BAHCC1: variants seen among roughly 807,000 people sequenced by gnomAD.
BAHCC1 encodes BAH domain and coiled-coil containing 1, also known as BAH and coiled-coil domain-containing protein 1.
Under a neutral mutation model 88.2 loss-of-function variants are expected in BAHCC1, and 43 were observed. The ratio of observed to expected loss-of-function variants is 0.49; its 90% CI spans 0.38 to 0.63. The LOEUF is 0.63. Ranked by LOEUF, BAHCC1 falls within the 20% of genes least tolerant of loss-of-function variation. BAHCC1 has a pLI of 0.00. For missense variants in BAHCC1, 3,023 were observed against 1,654.8 expected (o/e 1.83, Z -14.34); for synonymous variants, 1,510 against 745.5 (o/e 2.03, Z -16.71).
At position 81,458,460 on chromosome 17, in the gene BAHCC1, G is replaced by A; in HGVS notation, c.5337G>A (p.Val1779=). The A allele has an allele frequency of 1.4e-6, 1 of 713,376 alleles. No individual in the cohort carries two copies. Among genetic ancestry groups the A allele is most frequent in the South Asian group, 1.5e-5 (1 of 66,754 alleles). 44.2% of individuals were successfully genotyped at this position (713,376 alleles called of 1,614,324 possible). ...ATRKGTVLQP[V]LRRKNGALSI... ...GCAAGGGCACAGTGCTGCAGCCAGTGCTGCGGGTGAGGCTGGGCTCTGGGG... is the reference window on the plus strand; with the variant it reads ...GCAAGGGCACAGTGCTGCAGCCAGTACTGCGGGTGAGGCTGGGCTCTGGGG... Residue 1779 remains valine, a synonymous_variant, in exon 18 of 28, where the codon GTG becomes GTA. Coordinates refer to ENST00000675386, the MANE Select transcript of BAHCC1 (RefSeq NM_001377448.1).
intron 2 of BAHCC1, chr17:81,407,011 C>G (rs782161237): frequency 8.8e-6 from 4 of 455,986 alleles, no homozygotes; most frequent in African/African-American, 2.0e-5. Flanking sequence ...CCTGCCTTCC[C>G]TTCTCTCCCC....
At chr17:81,404,415 ACTT>A (rs1344397315) in intron 2 of BAHCC1, among the ~76,000 whole-genome samples, 8 of 152,164 alleles carry the variant, frequency 5.3e-5, no homozygotes, top group African/African-American at 1.9e-4. Context: ...GGCGTTTGTC[ACTT>A]CTTGGCGATT....
At chr17:81,410,230 A>G (rs2063932996) in intron 2 of BAHCC1, among the ~76,000 whole-genome samples, 1 of 152,086 alleles carries the variant, frequency 6.6e-6, no homozygotes, top group Non-Finnish European at 1.5e-5. Flanking sequence ...TCCCTGGCGG[A>G]GACTCAGAGG....
Position 81,445,086 on chromosome 17 carries a change from C to T in BAHCC1, c.2743C>T (p.His915Tyr). 4 of 770,420 alleles carry T rather than the reference C, an allele frequency of 5.2e-6. No homozygotes were observed. Among genetic ancestry groups the T allele is most frequent in the African/African-American group, 1.7e-5 (1 of 59,066 alleles). 47.7% of individuals were successfully genotyped at this position (770,420 alleles called of 1,614,324 possible). ...GGRGPASHMQ[H>Y]PGQLPVYSRP... is the part of the protein sequence containing the mutation. ...CCGGGGCCCCGCCTCTCACATGCAG[C>T]ACCCGGGCCAGCTCCCTGTGTACTC... Residue 915 changes from histidine (H) to tyrosine (Y), a missense_variant, in exon 9 of 28, where the codon CAC becomes TAC. His to Tyr is a moderately conservative substitution (Grantham distance 83, BLOSUM62 2). Coordinates refer to ENST00000675386, the MANE Select transcript of BAHCC1 (RefSeq NM_001377448.1).
intron 2 of BAHCC1, among the ~76,000 whole-genome samples, chr17:81,419,779 TC>T (rs1555649378): frequency 6.9e-6 from 1 of 144,698 alleles, no homozygotes; most frequent in Non-Finnish European, 1.5e-5. Context: ...TGCCGCCATC[TC>T]AACGAGGCGT....
Position 81,411,192 on chromosome 17 carries a change from G to T in BAHCC1, c.178+11275G>T, listed in dbSNP as rs781898097. On this transcript the variant is annotated intron_variant, in intron 2 of 27. Transcript: ENST00000675386. The surrounding 1 kb of genome is among the most constrained non-coding windows in gnomAD (Gnocchi z 6.2). ...TCTCTGCCCCAGGCTGAGGCCGAGG[G>T]TCTGCGCCACCTGGGCATGCCCAGT... is the stretch of plus-strand genomic sequence containing the variant. 1.9e-5 allele frequency: 10 copies of T among 517,798 alleles called. No homozygotes were observed. Among genetic ancestry groups the T allele is most frequent in the African/African-American group, 3.9e-5 (2 of 51,900 alleles). The allele number at this position is 517,798 out of a possible 1,614,324, so 32.1% of individuals were successfully genotyped here. A position where few individuals can be genotyped will look rare whatever the true frequency, so the allele number is the denominator to read the frequency against.
chr17:81,462,749 A>T lies in BAHCC1; in HGVS notation c.7393A>T (p.Met2465Leu). 1 of 760,840 alleles carries T rather than the reference A, an allele frequency of 1.3e-6. No homozygotes were observed. 47.1% of individuals were successfully genotyped at this position (760,840 alleles called of 1,614,324 possible). ...CCCATGTCCCCCACAGCGGCGTGGCATGAAGGGGAAGGCCCGGAAGCTGTT... is the reference window on the plus strand; with the variant it reads ...CCCATGTCCCCCACAGCGGCGTGGCTTGAAGGGGAAGGCCCGGAAGCTGTT... ...WSGNPTQRRGMKGKARKLFYK... is the reference protein window; with the variant it reads ...WSGNPTQRRGLKGKARKLFYK... The change falls in exon 27 of 28, where the codon ATG becomes TTG. Residue 2465 changes from methionine to leucine, a missense_variant. Met to Leu is a conservative substitution (Grantham distance 15). Transcript: ENST00000675386.
intron 14 of BAHCC1, among the ~76,000 whole-genome samples, chr17:81,453,295 G>A (rs2064680141): frequency 6.6e-6 from 1 of 152,244 alleles, no homozygotes; most frequent in Non-Finnish European, 1.5e-5. Context: ...CGCAGTCGTT[G>A]GCGCACTCCC....
intron 3 of BAHCC1, among the ~76,000 whole-genome samples, chr17:81,433,691 G>C (rs1350436623): frequency 6.6e-6 from 1 of 151,064 alleles, no homozygotes; most frequent in Non-Finnish European, 1.5e-5. Flanking sequence ...GCCCCGGGCA[G>C]GTGTCATCAG....
chr17:81,428,629 T>C (rs2064227022), intron 3 of BAHCC1, among the ~76,000 whole-genome samples: 1 of 152,146 alleles, frequency 6.6e-6, no homozygotes, highest in African/African-American at 2.4e-5. Context: ...GGGCCGTTTG[T>C]GGGTAGCACC....
chr17:81,447,876 C>G (rs1555655039), intron 11 of BAHCC1, 28 bp downstream of exon 11: 1 of 715,734 alleles, frequency 1.4e-6, no homozygotes, highest in Admixed American at 2.0e-5. Context: ...CGCCACCCCC[C>G]AGAGTCCCAG....
At chr17:81,407,445 A>C (rs368358869) in intron 2 of BAHCC1, 5 of 514,712 alleles carry the variant, frequency 9.7e-6, no homozygotes, top group African/African-American at 5.8e-5. Flanking sequence ...TCTTCCCCTG[A>C]GACTTCTGCA....
At chr17:81,457,890 G>T (rs2064780267) in intron 17 of BAHCC1, among the ~76,000 whole-genome samples, 1 of 119,622 alleles carries the variant, frequency 8.4e-6, no homozygotes, top group Non-Finnish European at 1.8e-5. Context: ...GGCAGGGGTT[G>T]CTAGGTAACC....
Position 81,415,446 on chromosome 17 carries a change from G to A in BAHCC1, c.179-11354G>A, listed in dbSNP as rs141120881. On this transcript the variant is annotated intron_variant, in intron 2 of 27. Transcript: ENST00000675386. ...GCATACGTCCCCCTGGAAGGGTAAC[G>A]CGAGCGCGAGGCCCCATGTGGTTGG... 402 of 456,684 alleles carry A rather than the reference G, an allele frequency of 8.8e-4. 4 individuals carry two copies. The highest frequency in any genetic ancestry group is 7.1e-3 in the African/African-American group (356 of 50,014). 28.3% of individuals were successfully genotyped at this position (456,684 alleles called of 1,614,324 possible). A position where few individuals can be genotyped will look rare whatever the true frequency, so the allele number is the denominator to read the frequency against.
chr17:81,415,967 TGTGTGC>T (rs1445618299), intron 2 of BAHCC1, among the ~76,000 whole-genome samples: 1 of 152,160 alleles, frequency 6.6e-6, no homozygotes, highest in African/African-American at 2.4e-5. Flanking sequence ...TGGGAAACAA[TGTGTGC>T]GTGTGCGTGT....
chr17:81,427,806 A>G (rs1049537606), intron 3 of BAHCC1, among the ~76,000 whole-genome samples: 30 of 152,320 alleles, frequency 2.0e-4, no homozygotes, highest in Admixed American at 1.3e-3. Context: ...CCTGGCACCC[A>G]GCACTGCCGT....
intron 8 of BAHCC1, 29 bp from the exon 9 acceptor site, chr17:81,444,986 G>A (rs1555653914): frequency 1.4e-6 from 1 of 722,662 alleles, no homozygotes; most frequent in Admixed American, 2.0e-5. Context: ...TCCCCAGCCA[G>A]GCTGACCCCT....
At chr17:81,397,305 A>G (rs1239319432) in intron 1 of BAHCC1, among the ~76,000 whole-genome samples, 2 of 150,486 alleles carry the variant, frequency 1.3e-5, no homozygotes, top group Non-Finnish European at 3.0e-5. Flanking sequence ...AGGGGGTGGG[A>G]GATTAAAATT....
chr17:81,418,810 C>CGCGT (rs71302047), intron 2 of BAHCC1, among the ~76,000 whole-genome samples: 1 of 146,332 alleles, frequency 6.8e-6, no homozygotes, highest in Non-Finnish European at 1.5e-5. Context: ...TGTGTGTGTA[C>CGCGT]GTGTGTGTGT....
Sources: gnomAD v4.1 joint callset for allele counts (sites outside exome capture counted in the v4.1 genomes callset) on GRCh38, gnomAD v4.1.1 for gene constraint, Gnocchi (gnomAD v3.1) non-coding constraint, MANE v1.5 for transcripts, NCBI Gene and HGNC (gene_info 2026-07-23, HGNC 2026-07-21) for gene names.